Variants in FSTL5 observed in about 807,000 individuals in gnomAD.
FSTL5 encodes follistatin-related protein 5.
FSTL5 carries 62 observed loss-of-function variants against 89.1 expected under a neutral mutation model. The observed-to-expected ratio is 0.70, with a 90% CI of 0.57 to 0.86. The LOEUF (loss-of-function observed/expected upper bound fraction) is 0.86, where lower values mean the gene tolerates loss of function less well. FSTL5 is among the 40% of genes least tolerant of loss of function. The pLI is 0.00. For missense variants in FSTL5, 1,057 were observed against 1,001.6 expected, an observed-to-expected ratio of 1.06 and a Z score of -0.75; for synonymous variants, 383 against 346.2, an observed-to-expected ratio of 1.11 and a Z score of -1.18.
intron 8 of FSTL5, among the ~76,000 whole-genome samples, chr4:161,579,323 T>G (rs1400868048): frequency 6.6e-6 from 1 of 151,844 alleles, no homozygotes; most frequent in Non-Finnish European, 1.5e-5. Context: ...ACAAAAATTT[T>G]AAAAAAAGAT....
At chr4:161,829,139 T>TTTTATA (rs1553969140) in intron 4 of FSTL5, among the ~76,000 whole-genome samples, 2 of 139,934 alleles carry the variant, frequency 1.4e-5, no homozygotes, top group Admixed American at 7.3e-5. Context: ...CAGTCACATT[T>TTTTATA]TATATATATA....
intron 4 of FSTL5, among the ~76,000 whole-genome samples, chr4:161,905,219 A>C (rs998528851): frequency 6.6e-5 from 10 of 152,118 alleles, no homozygotes; most frequent in African/African-American, 2.2e-4. Flanking sequence ...AGCTTCTTTA[A>C]AATTAAAAAA....
At chr4:161,918,669 G>A (rs1260503143) in intron 4 of FSTL5, among the ~76,000 whole-genome samples, 2 of 151,536 alleles carry the variant, frequency 1.3e-5, no homozygotes, top group African/African-American at 4.8e-5. Context: ...TTTTGAGACG[G>A]GGTCTCGCTC....
chr4:161,521,869 A>G (rs868560337), intron 10 of FSTL5, among the ~76,000 whole-genome samples: 14 of 149,360 alleles, frequency 9.4e-5, no homozygotes, highest in Admixed American at 4.0e-4. Flanking sequence ...AAAAAAGAAA[A>G]AAAAAGAAAA....
intron 15 of FSTL5, among the ~76,000 whole-genome samples, chr4:161,438,804 A>G (rs1265579762): frequency 2.0e-5 from 3 of 152,152 alleles, no homozygotes; most frequent in African/African-American, 7.2e-5. Flanking sequence ...CATTTTGTAA[A>G]GAGATAAGCA....
At chr4:161,760,080 A>G (rs1009278151) in intron 5 of FSTL5, among the ~76,000 whole-genome samples, 1 of 151,880 alleles carries the variant, frequency 6.6e-6, no homozygotes, top group African/African-American at 2.4e-5. Context: ...CCTTGGTCAC[A>G]AAAGAGCTAT....
chr4:162,080,127 T>C (rs1205951733), intron 2 of FSTL5, among the ~76,000 whole-genome samples: 1 of 151,678 alleles, frequency 6.6e-6, no homozygotes, highest in African/African-American at 2.4e-5. Context: ...TATCACATAC[T>C]GAGCAACGTC....
At chr4:161,974,896 A>G in intron 3 of FSTL5, among the ~76,000 whole-genome samples, 1 of 151,972 alleles carries the variant, frequency 6.6e-6, no homozygotes, top group Non-Finnish European at 1.5e-5. Context: ...GAAATCAAAC[A>G]AATTTACAAG....
chr4:162,082,258 T>G (rs1339500906), intron 2 of FSTL5, among the ~76,000 whole-genome samples: 3 of 151,662 alleles, frequency 2.0e-5, no homozygotes, highest in Non-Finnish European at 4.4e-5. Flanking sequence ...TTCTAGGAAA[T>G]TACTCATTGA....
chr4:161,792,348 A>C (rs1165742318), intron 4 of FSTL5, among the ~76,000 whole-genome samples: 1 of 152,138 alleles, frequency 6.6e-6, no homozygotes, highest in African/African-American at 2.4e-5. Context: ...CCGCAGCATG[A>C]ATAGCCTGGG....
chr4:161,414,391 G>A (rs1391543666), intron 15 of FSTL5, among the ~76,000 whole-genome samples: 2 of 152,048 alleles, frequency 1.3e-5, no homozygotes, highest in African/African-American at 2.4e-5. Context: ...GAAATAAAAC[G>A]AGACAAAATA....
rs1237815412 is a variant in FSTL5 at position 161,593,887 on chromosome 4, C to T, written c.895-6312G>A. The stretch of plus-strand genomic sequence containing the variant: ...AACTCCAGCCTTCACCCACAGGCTA[C>T]CATTAAAAACAGGGCTCATACAGAC... On this transcript the variant is annotated intron_variant, in intron 7 of 15. Coordinates refer to ENST00000306100, the MANE Select transcript of FSTL5 (RefSeq NM_020116.5). Among the ~76,000 whole-genome samples, 10 of 152,088 alleles carry T rather than the reference C, an allele frequency of 6.6e-5. No homozygotes were observed. The South Asian group carries it at 2.1e-3, about 32-fold the overall frequency.
chr4:161,469,201 C>A (rs1210403194), intron 13 of FSTL5, among the ~76,000 whole-genome samples: 1 of 152,122 alleles, frequency 6.6e-6, no homozygotes, highest in Non-Finnish European at 1.5e-5. Flanking sequence ...TGGCTTATTT[C>A]ACTTATCATA....
chr4:161,611,746 T>C (rs921734186), intron 7 of FSTL5, among the ~76,000 whole-genome samples: 9 of 152,140 alleles, frequency 5.9e-5, no homozygotes, highest in Middle Eastern at 3.2e-3. Flanking sequence ...GCAATGGTGA[T>C]AAAAGGTCTC....
chr4:162,144,116 G>C (rs78352307), intron 1 of FSTL5, among the ~76,000 whole-genome samples: 35,226 of 151,898 alleles, frequency 0.23, 4,245 homozygotes, highest in Non-Finnish European at 0.25. Flanking sequence ...CAGGGACGAG[G>C]CTTCATTGGC....
intron 6 of FSTL5, among the ~76,000 whole-genome samples, chr4:161,742,941 C>A (rs1740077738): frequency 6.6e-6 from 1 of 151,926 alleles, no homozygotes; most frequent in Admixed American, 6.6e-5. Context: ...AAAAATCTAT[C>A]CAACTACCTT....
At chr4:161,946,660 C>T (rs1357301909) in intron 3 of FSTL5, among the ~76,000 whole-genome samples, 1 of 152,100 alleles carries the variant, frequency 6.6e-6, no homozygotes, top group Non-Finnish European at 1.5e-5. Context: ...ACAATTACTT[C>T]AGTTGTTTAC....
intron 2 of FSTL5, among the ~76,000 whole-genome samples, chr4:162,050,784 A>C (rs1241514042): frequency 6.6e-6 from 1 of 151,410 alleles, no homozygotes; most frequent in Non-Finnish European, 1.5e-5. Context: ...AATTTTATCT[A>C]AAACTTTGTC....
chr4:161,750,894 C>G (rs1357250372), intron 6 of FSTL5, among the ~76,000 whole-genome samples: 1 of 152,122 alleles, frequency 6.6e-6, no homozygotes, highest in Non-Finnish European at 1.5e-5. Context: ...GGTCAATTCT[C>G]ATTTTATTGC....
Sources: allele counts gnomAD v4.1 joint callset (sites outside exome capture counted in the v4.1 genomes callset), GRCh38; gene constraint gnomAD v4.1.1; transcripts MANE v1.5; gene names NCBI Gene and HGNC (gene_info 2026-07-23, HGNC 2026-07-21).